The following CPLANE1 variants were observed in gnomAD, a reference collection of about 807,000 sequenced individuals.
CPLANE1 encodes the protein ciliogenesis and planar polarity effector 1.
Under a neutral mutation model 362.5 loss-of-function variants are expected in CPLANE1, and 263 were observed. The ratio of observed to expected loss-of-function variants is 0.73; its 90% CI spans 0.66 to 0.80. CPLANE1 has a LOEUF of 0.80. Ranked by LOEUF, CPLANE1 falls within the 30% of genes least tolerant of loss-of-function variation. CPLANE1 has a pLI of 0.00. For missense variants in CPLANE1, 3,461 were observed against 3,793.4 expected (o/e 0.91, Z 2.30); for synonymous variants, 1,212 against 1,302.6 (o/e 0.93, Z 1.50).
chr5:37,233,840 C>T (rs1798294266), intron 8 of CPLANE1, among the ~76,000 whole-genome samples: 2 of 152,132 alleles, frequency 1.3e-5, no homozygotes, highest in Admixed American at 1.3e-4. Flanking sequence ...AACAGGCACA[C>T]TCACCCCACT....
chr5:37,247,778 A>C, intron 1 of CPLANE1, 33 bp from the exon 2 acceptor site: 3 of 1,374,544 alleles, frequency 2.2e-6, no homozygotes. Context: ...AATATAAATG[A>C]TGCATAATAT....
At chr5:37,183,772 G>T in intron 25 of CPLANE1, 73 bp from the exon 26 acceptor site, 1 of 1,059,652 alleles carries the variant, frequency 9.4e-7, no homozygotes, top group Non-Finnish European at 1.4e-6. Flanking sequence ...GAATTGACAT[G>T]GAAAATTCTC....
intron 46 of CPLANE1, among the ~76,000 whole-genome samples, chr5:37,137,561 A>G (rs1475215691): frequency 6.6e-6 from 1 of 152,230 alleles, no homozygotes; most frequent in Non-Finnish European, 1.5e-5. Context: ...AATAAGACAT[A>G]CCTGAGACTG....
the CPLANE1 span, among the ~76,000 whole-genome samples, chr5:37,093,678 T>A: frequency 1.3e-5 from 2 of 152,310 alleles, 1 homozygote; most frequent in African/African-American, 4.8e-5. Context: ...ATAAGAGCAA[T>A]CACTGCCACT....
Position 37,224,738 on chromosome 5 carries a change from A to C in CPLANE1, c.2294T>G (p.Leu765Trp). 1 of 1,543,284 alleles carries C rather than the reference A, an allele frequency of 6.5e-7. No individual in the cohort carries two copies. Among genetic ancestry groups the C allele is most frequent in the Non-Finnish European group, 8.8e-7 (1 of 1,140,244 alleles). Residue 765 changes from leucine (L) to tryptophan (W), a missense_variant and splice_region_variant, in exon 13 of 53, where the codon TTG becomes TGG. Transcript: ENST00000651892. Reference protein sequence around the residue: ...VNPVQQPGHRLLILWRILYKK... With the variant: ...VNPVQQPGHRWLILWRILYKK... ...GTACAGTATTCTCCAGAGAATAAGC[A>C]ATCTGCACATAAAATCAGGTAATTA...
chr5:37,236,526 T>G (rs1799024847), intron 8 of CPLANE1, among the ~76,000 whole-genome samples: 1 of 152,028 alleles, frequency 6.6e-6, no homozygotes, highest in Non-Finnish European at 1.5e-5. Flanking sequence ...GGCAAAGAAT[T>G]TATGACCACA....
At position 37,239,860 on chromosome 5, in the gene CPLANE1, T is replaced by G; in HGVS notation, c.687A>C (p.Pro229=). The change falls in exon 7 of 53, where the codon CCA becomes CCC. Residue 229 remains proline, a synonymous_variant. Coordinates refer to ENST00000651892, the MANE Select transcript of CPLANE1 (RefSeq NM_001384732.1). ...ENVFTSVRSL[P]YHVHWAQQDC... is the part of the protein sequence containing the mutation. ...CTTGTTGAGCCCAATGAACATGGTA[T>G]GGCAATGATCTAAAAAAGTAATGAA... The G allele has an allele frequency of 6.7e-7, 1 of 1,484,744 alleles. No individual in the cohort carries two copies. Among genetic ancestry groups the G allele is most frequent in the Admixed American group, 2.2e-5 (1 of 44,454 alleles). 92.0% of individuals were successfully genotyped at this position (1,484,744 alleles called of 1,614,324 possible). A position where few individuals can be genotyped will look rare whatever the true frequency, so the allele number is the denominator to read the frequency against.
intron 23 of CPLANE1, among the ~76,000 whole-genome samples, chr5:37,187,085 A>C (rs1353241518): frequency 1.4e-5 from 2 of 142,488 alleles, no homozygotes; most frequent in African/African-American, 2.6e-5. Context: ...AAAAAAAAAA[A>C]AACTATAGTC....
At chr5:37,085,250 G>A in the CPLANE1 span, 18 of 851,002 alleles carry the variant, frequency 2.1e-5, no homozygotes, top group Middle Eastern at 6.1e-4. Context: ...AGATTTGCAT[G>A]CAGGGGTTCA....
At chr5:37,085,389 C>T in the CPLANE1 span, 10 of 1,259,938 alleles carry the variant, frequency 7.9e-6, no homozygotes, top group East Asian at 1.2e-4. Context: ...TGCTGTACAT[C>T]GTATTACACC....
intron 32 of CPLANE1, among the ~76,000 whole-genome samples, chr5:37,172,244 A>T (rs1431690446): frequency 1.3e-5 from 2 of 152,216 alleles, no homozygotes; most frequent in African/African-American, 4.8e-5. Flanking sequence ...TAATACCTGA[A>T]GAAAGTGTCC....
At position 37,147,885 on chromosome 5, in the gene CPLANE1, C is replaced by T. The variant is rs573394804; in HGVS notation, c.8461+296G>A. 2.7e-5 allele frequency among the ~76,000 whole-genome samples: 4 copies of T among 146,354 alleles called. No individual in the cohort carries two copies. In the East Asian group the frequency reaches 8.0e-4, roughly 29 times the overall value. On this transcript the variant is annotated intron_variant, in intron 43 of 52. Coordinates refer to ENST00000651892, the MANE Select transcript of CPLANE1 (RefSeq NM_001384732.1). Reference sequence around the variant, plus strand: ...CTGTGCAATCCTCAGCACTATGAGGCCAATGGCTTGGAATCCACAAAAACT... The same window carrying T: ...CTGTGCAATCCTCAGCACTATGAGGTCAATGGCTTGGAATCCACAAAAACT...
In CPLANE1 at chr5:37,107,488, A is replaced by G. The variant is rs1184785428; in HGVS notation, c.*114T>C. The stretch of plus-strand genomic sequence containing the variant: ...AATCCAGGTAATAATATGAAAGCAA[A>G]TGGAAAATTCACATTGCTTCTTTCA... On this transcript the variant is annotated 3_prime_UTR_variant, in exon 53 of 53. Coordinates refer to ENST00000651892, the MANE Select transcript of CPLANE1 (RefSeq NM_001384732.1). 7.6e-7 allele frequency: 1 copy of G among 1,318,490 alleles called. No individual in the cohort carries two copies. The highest frequency in any genetic ancestry group is 2.9e-5 in the East Asian group (1 of 35,004). 81.7% of individuals were successfully genotyped at this position (1,318,490 alleles called of 1,614,324 possible). A position where few individuals can be genotyped will look rare whatever the true frequency, so the allele number is the denominator to read the frequency against.
chr5:37,213,052 C>CA (rs112702295), intron 16 of CPLANE1, among the ~76,000 whole-genome samples: 2,114 of 152,174 alleles, frequency 0.014, 52 homozygotes, highest in African/African-American at 0.048. Flanking sequence ...CTACTAAATA[C>CA]AAAAAATTAG....
intron 51 of CPLANE1, among the ~76,000 whole-genome samples, chr5:37,112,382 A>C (rs1759606446): frequency 6.6e-6 from 1 of 152,172 alleles, no homozygotes; most frequent in Non-Finnish European, 1.5e-5. Context: ...TGGGATATCC[A>C]ATTTGAGATA....
chr5:37,157,903 AT>A, intron 39 of CPLANE1, 35 bp from the exon 40 acceptor site: 1 of 835,538 alleles, frequency 1.2e-6, no homozygotes, highest in Non-Finnish European at 1.7e-6. Context: ...AGAGGGTTAC[AT>A]TCTTTTTACT....
intron 50 of CPLANE1, among the ~76,000 whole-genome samples, chr5:37,116,329 T>C (rs556760553): frequency 1.3e-5 from 2 of 151,620 alleles, no homozygotes; most frequent in South Asian, 2.1e-4. Flanking sequence ...TACTAAAAAA[T>C]ACAAAAATTA....
At chr5:37,165,035 G>A (rs1355285813) in intron 36 of CPLANE1, among the ~76,000 whole-genome samples, 4 of 152,142 alleles carry the variant, frequency 2.6e-5, no homozygotes, top group Non-Finnish European at 5.9e-5. Context: ...GAGCCCAGGA[G>A]GTAGAGGCTG....
At chr5:37,193,163 C>CA (rs1388334831) in intron 21 of CPLANE1, among the ~76,000 whole-genome samples, 1 of 144,828 alleles carries the variant, frequency 6.9e-6, no homozygotes, top group Non-Finnish European at 1.5e-5. Flanking sequence ...TGCAAGACTC[C>CA]AACTAAAAAA....
Sources: allele counts gnomAD v4.1 joint callset (sites outside exome capture counted in the v4.1 genomes callset), GRCh38; gene constraint gnomAD v4.1.1; transcripts MANE v1.5; gene names NCBI Gene and HGNC (gene_info 2026-07-23, HGNC 2026-07-21).